The following ATXN2 variants were observed in gnomAD, a reference collection of about 807,000 sequenced individuals.
ATXN2 encodes the protein ataxin-2.
ATXN2 carries 37 observed loss-of-function variants against 138.6 expected under a neutral mutation model. The ratio of observed to expected loss-of-function variants is 0.27; its 90% CI spans 0.21 to 0.35. ATXN2 has a LOEUF of 0.35. Ranked by LOEUF, ATXN2 falls within the 10% of genes least tolerant of loss-of-function variation. ATXN2 has a pLI of 1.00. For synonymous variants in ATXN2, 549 were observed against 543.7 expected, an observed-to-expected ratio of 1.01 and a Z score of -0.13; for missense variants, 1,216 against 1,480.3, an observed-to-expected ratio of 0.82 and a Z score of 2.93.
At chr12:111,511,746 G>A (rs949110039) in intron 11 of ATXN2, 3 of 152,150 alleles carry the variant, frequency 2.0e-5, no homozygotes, top group Non-Finnish European at 4.4e-5. Context: ...TTACAGCCGT[G>A]AGCCACTGCG....
intron 18 of ATXN2, among the ~76,000 whole-genome samples, chr12:111,476,779 G>A (rs1318461081): frequency 2.0e-5 from 3 of 152,154 alleles, no homozygotes; most frequent in Admixed American, 6.6e-5. Context: ...CCTCAATGAA[G>A]ATTCCATATT....
upstream of ATXN2, chr12:111,599,628 G>C (rs577364659): frequency 1.4e-5 from 15 of 1,081,202 alleles, no homozygotes; most frequent in South Asian, 5.8e-4. Context: ...CCGGGGCCGG[G>C]AGGGACACGT....
At chr12:111,562,164 T>C (rs1247086499) in intron 1 of ATXN2, among the ~76,000 whole-genome samples, 1 of 150,618 alleles carries the variant, frequency 6.6e-6, no homozygotes, top group Non-Finnish European at 1.5e-5. Flanking sequence ...CCAGGTACAA[T>C]GGCTCATGCC....
intron 2 of ATXN2, 137 bp from the exon 3 acceptor site, chr12:111,554,354 C>T (rs1882278987): frequency 3.9e-6 from 2 of 507,106 alleles, no homozygotes; most frequent in African/African-American, 4.0e-5. Context: ...ATACTTAGTG[C>T]TTGAACATCC....
At chr12:111,502,993 G>A (rs959996578) in intron 14 of ATXN2, among the ~76,000 whole-genome samples, 1 of 152,152 alleles carries the variant, frequency 6.6e-6, no homozygotes, top group African/African-American at 2.4e-5. Flanking sequence ...CGCACATGAT[G>A]TATAGAGGCC....
intron 10 of ATXN2, among the ~76,000 whole-genome samples, chr12:111,514,218 G>A (rs1879726368): frequency 6.6e-6 from 1 of 152,178 alleles, no homozygotes; most frequent in Non-Finnish European, 1.5e-5. Flanking sequence ...ACTTGTATTA[G>A]TCTATTAATA....
chr12:111,572,206 C>G (rs1237745276), intron 1 of ATXN2, among the ~76,000 whole-genome samples: 1 of 151,990 alleles, frequency 6.6e-6, no homozygotes, highest in East Asian at 1.9e-4. Context: ...TCGAGACCAG[C>G]CTGACCAAAA....
intron 11 of ATXN2, among the ~76,000 whole-genome samples, chr12:111,512,270 G>A (rs1879575156): frequency 6.6e-6 from 1 of 151,832 alleles, no homozygotes; most frequent in Non-Finnish European, 1.5e-5. Flanking sequence ...TCTTTTAAAG[G>A]TTCTCTGGAC....
intron 1 of ATXN2, among the ~76,000 whole-genome samples, chr12:111,584,711 T>A (rs528053863): frequency 1.3e-5 from 2 of 151,864 alleles, no homozygotes; most frequent in Admixed American, 6.6e-5. Flanking sequence ...CATGCCTGTA[T>A]CCCCAGCACT....
chr12:111,599,532 G>T, upstream of ATXN2: 1 of 1,206,524 alleles, frequency 8.3e-7, no homozygotes, highest in South Asian at 3.7e-5. Flanking sequence ...CGGGCGCGCC[G>T]AGGCGCCGGG....
intron 15 of ATXN2, 143 bp from the exon 16 acceptor site, chr12:111,486,967 C>T (rs1877683881): frequency 4.5e-6 from 3 of 666,390 alleles, no homozygotes; most frequent in Non-Finnish European, 7.6e-6. Context: ...TTTATTGAAA[C>T]ATATACACTT....
chr12:111,598,289 G>A lies in ATXN2; in HGVS notation c.251+495C>T. On this transcript the variant is annotated intron_variant, in intron 1 of 24. Transcript: ENST00000673436. The surrounding 1 kb of genome is among the most constrained non-coding windows in gnomAD (Gnocchi z 4.5). The stretch of plus-strand genomic sequence containing the variant: ...CGGTGCCTACCCCTTTAACCGGCAC[G>A]GGGGACGCGGCCCTAACTTCTCCCC... 6 of 1,004,396 alleles carry A rather than the reference G, an allele frequency of 6.0e-6. No individual in the cohort carries two copies. Among genetic ancestry groups the A allele is most frequent in the Non-Finnish European group, 7.1e-6 (6 of 840,888 alleles). The allele number at this position is 1,004,396 out of a possible 1,614,324, so 62.2% of individuals were successfully genotyped here. A position where few individuals can be genotyped will look rare whatever the true frequency, so the allele number is the denominator to read the frequency against.
intron 18 of ATXN2, among the ~76,000 whole-genome samples, chr12:111,474,486 TCA>T (rs953129267): frequency 4.0e-4 from 61 of 152,220 alleles, no homozygotes; most frequent in African/African-American, 1.4e-3. Context: ...GTGCCTGTAG[TCA>T]CAGTTACTTG....
intron 14 of ATXN2, among the ~76,000 whole-genome samples, chr12:111,493,662 T>C (rs1443339593): frequency 1.3e-5 from 2 of 151,638 alleles, no homozygotes; most frequent in Non-Finnish European, 2.9e-5. Flanking sequence ...AGAGTCTTGC[T>C]CTGCTGCCCA....
At chr12:111,474,032 T>C (rs1876612722) in intron 18 of ATXN2, among the ~76,000 whole-genome samples, 1 of 152,096 alleles carries the variant, frequency 6.6e-6, no homozygotes, top group African/African-American at 2.4e-5. Flanking sequence ...CTGCTTGAGC[T>C]CAGGAATTCG....
At chr12:111,537,030 G>A (rs1881224001) in intron 5 of ATXN2, among the ~76,000 whole-genome samples, 1 of 151,822 alleles carries the variant, frequency 6.6e-6, no homozygotes, top group Non-Finnish European at 1.5e-5. Context: ...TGATCTGCCA[G>A]CCCCAGCCTC....
intron 1 of ATXN2, among the ~76,000 whole-genome samples, chr12:111,594,026 T>G (rs2135854270): frequency 6.6e-6 from 1 of 152,250 alleles, no homozygotes; most frequent in Non-Finnish European, 1.5e-5. Context: ...TGTAACTCAT[T>G]CCCCTCCCCA....
intron 18 of ATXN2, chr12:111,471,210 T>A (rs549943676): frequency 5.6e-6 from 1 of 179,694 alleles, no homozygotes; most frequent in Non-Finnish European, 1.2e-5. Flanking sequence ...TTGTAACACT[T>A]CCCATTCTTT....
intron 18 of ATXN2, among the ~76,000 whole-genome samples, chr12:111,473,563 C>A (rs1478840168): frequency 6.6e-6 from 1 of 151,962 alleles, no homozygotes; most frequent in African/African-American, 2.4e-5. Flanking sequence ...ATTTTACAAC[C>A]CCTAAGGAAA....
Sources: allele counts gnomAD v4.1 joint callset (sites outside exome capture counted in the v4.1 genomes callset), GRCh38; gene constraint gnomAD v4.1.1; non-coding constraint Gnocchi (gnomAD v3.1); transcripts MANE v1.5; gene names NCBI Gene and HGNC (gene_info 2026-07-23, HGNC 2026-07-21).